Variants in VPS13A observed in about 807,000 individuals in gnomAD.
The protein encoded by VPS13A is intermembrane lipid transfer protein VPS13A.
A neutral mutation model predicts 390.9 loss-of-function variants in VPS13A; 264 were observed. The observed-to-expected ratio is 0.68, with a 90% confidence interval of 0.61 to 0.75. The LOEUF (loss-of-function observed/expected upper bound fraction) is 0.75. Among genes scored for constraint, VPS13A ranks in the 30% least tolerant of loss-of-function variants. The pLI is 0.00. For synonymous variants in VPS13A, 1,231 were observed against 1,227.1 expected (o/e 1.00, Z -0.07); for missense variants, 3,409 against 3,733.9 (o/e 0.91, Z 2.27).
chr9:77,226,105 C>G (rs551768768), intron 14 of VPS13A, 117 bp downstream of exon 14: 1 of 919,842 alleles, frequency 1.1e-6, no homozygotes, highest in Admixed American at 2.4e-5. Flanking sequence ...GTTCAATTTG[C>G]TTTTTAGTAT....
chr9:77,403,397 T>C, intron 69 of VPS13A, 76 bp downstream of exon 69: 1 of 1,230,564 alleles, frequency 8.1e-7, no homozygotes, highest in Non-Finnish European at 1.2e-6. Flanking sequence ...AGATTTGTTA[T>C]TCACCTTTTG....
chr9:77,417,582 GCTC>G lies in VPS13A; in HGVS notation c.*1581_*1583del, dbSNP rs1418435573. Reference sequence around the variant, plus strand: ...AAGTGCTTATTTTCTCTGTCGCTAAGCTCCTCCAGTTTTGCTTTTGTCAGAATT... The same window carrying G: ...AAGTGCTTATTTTCTCTGTCGCTAAGCTCCAGTTTTGCTTTTGTCAGAATT... On this transcript the variant is annotated 3_prime_UTR_variant, in exon 72 of 72. Coordinates refer to ENST00000360280, the MANE Select transcript of VPS13A (RefSeq NM_033305.3). 6.6e-6 allele frequency: 1 copy of G among 151,462 alleles called. No homozygotes were observed. Among genetic ancestry groups the G allele is most frequent in the Non-Finnish European group, 1.5e-5 (1 of 67,940 alleles). 9.4% of individuals were successfully genotyped at this position (151,462 alleles called of 1,614,324 possible).
At position 77,314,491 on chromosome 9, in the gene VPS13A, A is replaced by G. The variant is rs2131427457; in HGVS notation, c.4243-4A>G. The G allele has an allele frequency of 1.2e-6, 2 of 1,611,356 alleles. No individual in the cohort carries two copies. The highest frequency in any genetic ancestry group is 1.7e-6 in the Non-Finnish European group (2 of 1,179,010). ...TAATTTTGTGTTGGTTTCTCCTTTC[A>G]TAGGCTTCCTTTACAGATGTTCGTG... On this transcript the variant is annotated splice_polypyrimidine_tract_variant and splice_region_variant and intron_variant, in intron 36 of 71. Transcript: ENST00000360280.
At chr9:77,333,555 C>T (rs1407502223) in intron 46 of VPS13A, among the ~76,000 whole-genome samples, 1 of 150,594 alleles carries the variant, frequency 6.6e-6, no homozygotes, top group African/African-American at 2.4e-5. Flanking sequence ...GCTGGGATTA[C>T]AGGCATGTGC....
intron 3 of VPS13A, among the ~76,000 whole-genome samples, chr9:77,202,000 A>C (rs1442864665): frequency 6.6e-6 from 1 of 152,124 alleles, no homozygotes; most frequent in Non-Finnish European, 1.5e-5. Context: ...TTACTGGTTT[A>C]AATATTGTGC....
At chr9:77,314,363 A>G (rs1302616623) in intron 36 of VPS13A, 132 bp from the exon 37 acceptor site, 22 of 1,032,594 alleles carry the variant, frequency 2.1e-5, no homozygotes, top group East Asian at 9.9e-5. Flanking sequence ...TTAGCCTTTC[A>G]TTAGAGCCCT....
intron 17 of VPS13A, among the ~76,000 whole-genome samples, chr9:77,235,831 A>G (rs1341280841): frequency 6.6e-6 from 1 of 152,190 alleles, no homozygotes; most frequent in Admixed American, 6.5e-5. Flanking sequence ...ACCTCTCTGC[A>G]GATGGTTCCC....
intron 32 of VPS13A, among the ~76,000 whole-genome samples, chr9:77,294,423 A>G (rs533598882): frequency 1.3e-5 from 2 of 152,162 alleles, no homozygotes; most frequent in African/African-American, 2.4e-5. Context: ...TAACATCACT[A>G]TTCATTCTTT....
At chr9:77,354,143 T>C (rs557185444) in intron 54 of VPS13A, among the ~76,000 whole-genome samples, 5 of 152,130 alleles carry the variant, frequency 3.3e-5, no homozygotes, top group Non-Finnish European at 7.4e-5. Flanking sequence ...TTCCTATTCA[T>C]AAACAGTTGT....
intron 33 of VPS13A, among the ~76,000 whole-genome samples, chr9:77,299,013 G>A (rs572774368): frequency 7.9e-5 from 12 of 152,264 alleles, no homozygotes; most frequent in African/African-American, 2.6e-4. Context: ...TTATTAAATA[G>A]GGAATCCTTT....
intron 32 of VPS13A, among the ~76,000 whole-genome samples, chr9:77,294,494 GAATA>G (rs1827860483): frequency 6.6e-6 from 1 of 152,134 alleles, no homozygotes; most frequent in South Asian, 2.1e-4. Flanking sequence ...GGCTGTAGTG[GAATA>G]AATAGGCCAA....
intron 41 of VPS13A, among the ~76,000 whole-genome samples, chr9:77,319,126 G>T (rs1029870563): frequency 1.2e-4 from 18 of 150,736 alleles, no homozygotes; most frequent in African/African-American, 4.4e-4. Flanking sequence ...TACCTGGGAA[G>T]TCGAGGCTGT....
rs546390994 is a variant in VPS13A, at chr9:77,254,442, CTTTATAGGAAGTT to C, written c.2288+2093_2288+2105del. 5.0e-3 allele frequency among the ~76,000 whole-genome samples: 766 copies of C among 152,174 alleles called. 2 individuals carry two copies. The highest frequency in any genetic ancestry group is 0.011 in the South Asian group (55 of 4,822). Reference sequence around the variant, plus strand: ...TACCACACTATTTAGATTACTGTAGCTTTATAGGAAGTTTTGAAATCAGGAGATGTGAGTTATT... The same window carrying C: ...TACCACACTATTTAGATTACTGTAGCTTGAAATCAGGAGATGTGAGTTATT... On this transcript the variant is annotated intron_variant, in intron 22 of 71. Transcript: ENST00000360280.
At chr9:77,407,887 CAACA>C (rs1236598945) in intron 71 of VPS13A, among the ~76,000 whole-genome samples, 1 of 151,884 alleles carries the variant, frequency 6.6e-6, no homozygotes, top group Admixed American at 6.6e-5. Flanking sequence ...ATAAAAAAGT[CAACA>C]AACAAAAATT....
At position 77,304,934 on chromosome 9, in the gene VPS13A, CT is replaced by C. The variant is rs550570542; in HGVS notation, c.3960+1879del. Among the ~76,000 whole-genome samples the C allele has an allele frequency of 3.9e-3, 586 of 148,908 alleles. 5 individuals are homozygous for C. The highest frequency in any genetic ancestry group is 3.5e-3 in the Middle Eastern group (1 of 282). ...AAACCATCATTTTAGAGATTTCAGA[CT>C]TTTTTTCTTTTTTTTTTTTTTGAGA... On this transcript the variant is annotated intron_variant, in intron 34 of 71. Coordinates refer to ENST00000360280, the MANE Select transcript of VPS13A (RefSeq NM_033305.3).
chr9:77,352,004 A>G (rs1478442115), intron 53 of VPS13A, among the ~76,000 whole-genome samples: 1 of 152,260 alleles, frequency 6.6e-6, no homozygotes, highest in Non-Finnish European at 1.5e-5. Context: ...AAAAATGTTT[A>G]AAACCAAAAG....
At chr9:77,356,239 T>C (rs759211265) in intron 54 of VPS13A, among the ~76,000 whole-genome samples, 28 of 152,190 alleles carry the variant, frequency 1.8e-4, no homozygotes, top group Admixed American at 1.0e-3. Flanking sequence ...TTCCTCCTCT[T>C]GTCTGCTGGA....
chr9:77,314,096 C>G lies in VPS13A; in HGVS notation c.4219C>G (p.Leu1407Val). The change falls in exon 36 of 72, where the codon CTG (leucine) becomes GTG (valine). Residue 1407 changes from leucine to valine, a missense_variant. Transcript: ENST00000360280. ...SFKTDDLTMV[L>V]YSPGPKQASF... Reference sequence around the variant, plus strand: ...CAAAACTGATGATCTCACCATGGTGCTGTATAGTCCAGGTCCTAAACAGGT... The same window carrying G: ...CAAAACTGATGATCTCACCATGGTGGTGTATAGTCCAGGTCCTAAACAGGT... The G allele has an allele frequency of 6.2e-7, 1 of 1,613,250 alleles. No individual in the cohort carries two copies. The highest frequency in any genetic ancestry group is 2.2e-5 in the East Asian group (1 of 44,734).
chr9:77,332,152 T>A, intron 46 of VPS13A, 39 bp downstream of exon 46: 1 of 1,495,828 alleles, frequency 6.7e-7, no homozygotes, highest in South Asian at 1.1e-5. Context: ...CTAAAATCTC[T>A]TGTAGAATTT....
Sources: gnomAD v4.1 joint callset for allele counts (sites outside exome capture counted in the v4.1 genomes callset) on GRCh38, gnomAD v4.1.1 for gene constraint, MANE v1.5 for transcripts, NCBI Gene and HGNC (gene_info 2026-07-23, HGNC 2026-07-21) for gene names.